EPB41L3: variants seen among roughly 807,000 people sequenced by gnomAD.
EPB41L3 encodes the protein erythrocyte membrane protein band 4.1 like 3, also known as band 4.1-like protein 3.
Under a neutral mutation model 127.1 loss-of-function variants are expected in EPB41L3, and 57 were observed. That is an observed-to-expected ratio of 0.45 (90% CI 0.36 to 0.56). The LOEUF (loss-of-function observed/expected upper bound fraction) is 0.56, where lower values mean the gene tolerates loss of function less well. Among genes scored for constraint, EPB41L3 ranks in the 20% least tolerant of loss-of-function variants. The pLI is 0.00. For missense variants in EPB41L3, 1,273 were observed against 1,372.2 expected (o/e 0.93, Z 1.14); for synonymous variants, 572 against 549.5 (o/e 1.04, Z -0.57).
chr18:5,480,868 C>T (rs1473232002), intron 2 of EPB41L3: 1 of 152,050 alleles, frequency 6.6e-6, no homozygotes, highest in African/African-American at 2.4e-5. Context: ...CTATAATTAT[C>T]TCCCATTTTC....
intron 13 of EPB41L3, among the ~76,000 whole-genome samples, chr18:5,413,431 A>T (rs1436548521): frequency 6.6e-6 from 1 of 152,234 alleles, no homozygotes; most frequent in Non-Finnish European, 1.5e-5. Context: ...GAAAGGCTGG[A>T]AATAAGCCAC....
intron 1 of EPB41L3, among the ~76,000 whole-genome samples, chr18:5,542,478 C>T (rs1288144291): frequency 2.0e-5 from 3 of 150,652 alleles, no homozygotes; most frequent in Non-Finnish European, 4.4e-5. Context: ...CACTCCCCAC[C>T]CCCCCTCAAC....
chr18:5,544,655 A>C (rs1209263702), upstream of EPB41L3, among the ~76,000 whole-genome samples: 1 of 152,226 alleles, frequency 6.6e-6, no homozygotes, highest in Non-Finnish European at 1.5e-5. Context: ...ATATCTTAAG[A>C]TCTAACCGAC....
At chr18:5,566,213 A>G (rs1410461914) in intron 3 of EPB41L3, among the ~76,000 whole-genome samples, 1 of 152,198 alleles carries the variant, frequency 6.6e-6, no homozygotes, top group African/African-American at 2.4e-5. Flanking sequence ...TATCTAGAAA[A>G]CCCCATCATC....
chr18:5,468,455 C>G (rs1418380851), intron 3 of EPB41L3, among the ~76,000 whole-genome samples: 1 of 152,172 alleles, frequency 6.6e-6, no homozygotes, highest in South Asian at 2.1e-4. Context: ...TCAGCACGTA[C>G]TTCCTCCCTT....
chr18:5,437,585 T>C (rs2080046541), intron 6 of EPB41L3, among the ~76,000 whole-genome samples: 2 of 152,246 alleles, frequency 1.3e-5, no homozygotes, highest in Admixed American at 6.5e-5. Flanking sequence ...AGAAAACAAA[T>C]TAATCATTTT....
chr18:5,527,581 T>C (rs2093271932), intron 1 of EPB41L3, among the ~76,000 whole-genome samples: 1 of 152,206 alleles, frequency 6.6e-6, no homozygotes, highest in African/African-American at 2.4e-5. Flanking sequence ...GCTGATATTC[T>C]GGTTGAGGGA....
chr18:5,610,253 A>G lies in EPB41L3; in HGVS notation c.-306+2087T>C, dbSNP rs116899959. The G allele has an allele frequency of 1.7e-5, 17 of 985,406 alleles. No homozygotes were observed. The East Asian group carries it at 1.0e-3, about 59-fold the overall frequency. 61.0% of individuals were successfully genotyped at this position (985,406 alleles called of 1,614,324 possible). ...GAAGGGTGAGCAAAAAAGAGAGAGA[A>G]AAAAATACTTTAGACATTGTTCAAC... On this transcript the variant is annotated intron_variant, in intron 3 of 21. Transcript: ENST00000545076.
intron 1 of EPB41L3, among the ~76,000 whole-genome samples, chr18:5,624,650 T>G (rs1345821328): frequency 6.6e-6 from 1 of 152,214 alleles, no homozygotes; most frequent in Non-Finnish European, 1.5e-5. Flanking sequence ...AACAACATTC[T>G]TCTCTTCTTC....
chr18:5,620,005 A>G (rs943584710), intron 1 of EPB41L3, among the ~76,000 whole-genome samples: 2 of 152,198 alleles, frequency 1.3e-5, no homozygotes, highest in Non-Finnish European at 2.9e-5. Flanking sequence ...TTATTAAAGA[A>G]TTCTTTAGTA....
chr18:5,509,249 C>T (rs1224995811), intron 1 of EPB41L3, among the ~76,000 whole-genome samples: 1 of 152,168 alleles, frequency 6.6e-6, no homozygotes, highest in East Asian at 1.9e-4. Context: ...AGGACCTCAC[C>T]TGGCCCAAAC....
At chr18:5,510,484 T>C (rs1055685181) in intron 1 of EPB41L3, among the ~76,000 whole-genome samples, 1 of 152,172 alleles carries the variant, frequency 6.6e-6, no homozygotes, top group African/African-American at 2.4e-5. Flanking sequence ...GGGTAATTGT[T>C]TTCAAAATCA....
At chr18:5,458,266 T>C (rs75924515) in intron 3 of EPB41L3, among the ~76,000 whole-genome samples, 2,470 of 152,346 alleles carry the variant, frequency 0.016, 60 homozygotes, top group African/African-American at 0.055. Flanking sequence ...ACCTGTTTTT[T>C]AATGTTCCAC....
rs146478425 is a variant in EPB41L3 at position 5,409,952 on chromosome 18, A to G, written c.2121+614T>C. 4.3e-4 allele frequency among the ~76,000 whole-genome samples: 66 copies of G among 152,246 alleles called. No individual in the cohort carries two copies. In the Middle Eastern group the frequency reaches 0.01, roughly 24 times the overall value. On this transcript the variant is annotated intron_variant, in intron 14 of 22. Transcript: ENST00000341928. ...AAGAAAAAAGGAGAAATAACAGTAT[A>G]TCTTCTATCACTGTTTAATGTGATT...
rs2093818710 is a variant in EPB41L3, at chr18:5,543,748, CCGCGCCGGG to C, written c.-12+156_-12+164del. On this transcript the variant is annotated intron_variant, in intron 1 of 22. Coordinates refer to ENST00000341928, the MANE Select transcript of EPB41L3 (RefSeq NM_012307.5). The surrounding 1 kb of genome is among the most constrained non-coding windows in gnomAD (Gnocchi z 5.2). The stretch of plus-strand genomic sequence containing the variant: ...GCGGGAGGGCGGTTGGGGACCCCGG[CCGCGCCGGG>C]CGCGGGGCTCGGGATTCGGGAGACC... Among the ~76,000 whole-genome samples the C allele has an allele frequency of 6.7e-6, 1 of 148,220 alleles. No individual in the cohort carries two copies. Among genetic ancestry groups the C allele is most frequent in the South Asian group, 2.1e-4 (1 of 4,770 alleles).
intron 22 of EPB41L3, 38 bp downstream of exon 22, chr18:5,394,639 A>G: frequency 6.6e-7 from 1 of 1,526,102 alleles, no homozygotes; most frequent in Non-Finnish European, 9.1e-7. Flanking sequence ...GCCTCATGCC[A>G]GCCTAGGCAA....
At chr18:5,556,573 A>G (rs183963278) in intron 3 of EPB41L3, among the ~76,000 whole-genome samples, 62 of 152,240 alleles carry the variant, frequency 4.1e-4, no homozygotes, top group Admixed American at 3.2e-3. Flanking sequence ...CCTGGATGCC[A>G]GTGATTAATC....
chr18:5,459,938 G>A (rs547114514), intron 3 of EPB41L3, among the ~76,000 whole-genome samples: 1 of 152,290 alleles, frequency 6.6e-6, no homozygotes, highest in Non-Finnish European at 1.5e-5. Context: ...GGGCACATGT[G>A]CAGATGTGTT....
chr18:5,497,921 T>C (rs549939311), intron 1 of EPB41L3, among the ~76,000 whole-genome samples: 1 of 152,336 alleles, frequency 6.6e-6, no homozygotes, highest in South Asian at 2.1e-4. Context: ...TCGACATAAT[T>C]TGGCAGAGAA....
Sources: allele counts gnomAD v4.1 joint callset (sites outside exome capture counted in the v4.1 genomes callset), GRCh38; gene constraint gnomAD v4.1.1; non-coding constraint Gnocchi (gnomAD v3.1); transcripts MANE v1.5; gene names NCBI Gene and HGNC (gene_info 2026-07-23, HGNC 2026-07-21).